RHOQ: variants seen among roughly 807,000 people sequenced by gnomAD.
RHOQ encodes ras homolog family member Q, also known as rho-related GTP-binding protein RhoQ.
In RHOQ, 7 loss-of-function variants were observed where a neutral mutation model predicts 25.8. That is an observed-to-expected ratio of 0.27 (90% CI 0.15 to 0.51). The LOEUF (loss-of-function observed/expected upper bound fraction) is 0.51. Among genes scored for constraint, RHOQ ranks in the 20% least tolerant of loss-of-function variants. RHOQ has a pLI of 0.97. For missense variants in RHOQ, 165 were observed against 260.6 expected, an observed-to-expected ratio of 0.63 and a Z score of 2.53; for synonymous variants, 97 against 98.6, an observed-to-expected ratio of 0.98 and a Z score of 0.10.
At chr2:46,563,487 G>A (rs1026809202) in intron 2 of RHOQ, among the ~76,000 whole-genome samples, 7 of 152,186 alleles carry the variant, frequency 4.6e-5, no homozygotes, top group African/African-American at 1.2e-4. Flanking sequence ...ACGGGGAACC[G>A]TCTGTAGTAT....
intron 2 of RHOQ, among the ~76,000 whole-genome samples, chr2:46,574,251 A>G (rs940277471): frequency 6.6e-6 from 1 of 152,066 alleles, no homozygotes; most frequent in African/African-American, 2.4e-5. Context: ...TTTAATGAGA[A>G]CACCCCATTT....
intron 2 of RHOQ, among the ~76,000 whole-genome samples, chr2:46,565,927 C>T (rs1286627818): frequency 2.0e-5 from 3 of 152,188 alleles, no homozygotes; most frequent in African/African-American, 7.2e-5. Context: ...TGGAGCATGG[C>T]AATGCTTAAG....
intron 2 of RHOQ, among the ~76,000 whole-genome samples, chr2:46,570,759 CTTAG>C (rs1668887612): frequency 6.6e-6 from 1 of 152,234 alleles, no homozygotes; most frequent in Non-Finnish European, 1.5e-5. Context: ...GATATTCTTA[CTTAG>C]TTGTCATATG....
At chr2:46,578,910 A>G (rs933256384) in intron 4 of RHOQ, among the ~76,000 whole-genome samples, 4 of 151,904 alleles carry the variant, frequency 2.6e-5, no homozygotes, top group Non-Finnish European at 4.4e-5. Flanking sequence ...GTGTGTGTGT[A>G]TATGTATATA....
intron 2 of RHOQ, among the ~76,000 whole-genome samples, chr2:46,574,578 C>T (rs562762960): frequency 2.0e-5 from 3 of 152,204 alleles, no homozygotes; most frequent in South Asian, 4.1e-4. Flanking sequence ...CATTTAGAGG[C>T]GTTCACTTTA....
chr2:46,545,777 A>C (rs575179012), intron 2 of RHOQ, among the ~76,000 whole-genome samples: 156 of 152,280 alleles, frequency 1.0e-3, no homozygotes, highest in African/African-American at 3.4e-3. Context: ...TGTAATCTTC[A>C]CAGCCATTCT....
rs150992995 is a variant in RHOQ, at chr2:46,552,875, C to T, written c.201+9063C>T. Among the ~76,000 whole-genome samples, 3 of 152,202 alleles carry T rather than the reference C, an allele frequency of 2.0e-5. No individual in the cohort carries two copies. The highest frequency in any genetic ancestry group is 7.2e-5 in the African/African-American group (3 of 41,446). The stretch of plus-strand genomic sequence containing the variant: ...GGGGGCACAGAGGAGGAAGGCTTAT[C>T]CTTCCAAGGAGGTGAAATGCTAGTA... On this transcript the variant is annotated intron_variant, in intron 2 of 4. Transcript: ENST00000238738. The surrounding 1 kb of genome is among the most constrained non-coding windows in gnomAD (Gnocchi z 5.0).
At chr2:46,560,754 A>G (rs373231589) in intron 2 of RHOQ, 4 of 350,372 alleles carry the variant, frequency 1.1e-5, no homozygotes, top group Middle Eastern at 4.7e-4. Context: ...TAGAGTCTGT[A>G]TAGACCATGA....
At position 46,569,187 on chromosome 2, in the gene RHOQ, T is replaced by C. The variant is rs973012469; in HGVS notation, c.202-6900T>C. On this transcript the variant is annotated intron_variant, in intron 2 of 4. Coordinates refer to ENST00000238738, the MANE Select transcript of RHOQ (RefSeq NM_012249.4). The surrounding 1 kb of genome is among the most constrained non-coding windows in gnomAD (Gnocchi z 4.1). Reference sequence around the variant, plus strand: ...TCGAAACACTTGACCAGCTCTCTCATTTATCTTAACATGTGTATTTATTCT... The same window carrying C: ...TCGAAACACTTGACCAGCTCTCTCACTTATCTTAACATGTGTATTTATTCT... 6.6e-6 allele frequency: 1 copy of C among 152,214 alleles called. No individual in the cohort carries two copies. The highest frequency in any genetic ancestry group is 2.4e-5 in the African/African-American group (1 of 41,456). 9.4% of individuals were successfully genotyped at this position (152,214 alleles called of 1,614,324 possible). A position where few individuals can be genotyped will look rare whatever the true frequency, so the allele number is the denominator to read the frequency against.
At chr2:46,577,565 ATTTTTT>A (rs908178158) in intron 4 of RHOQ, among the ~76,000 whole-genome samples, 31 of 64,948 alleles carry the variant, frequency 4.8e-4, no homozygotes, top group Admixed American at 8.6e-4. Context: ...ACACCCGGCT[ATTTTTT>A]TTTTTTTTTT....
In RHOQ at chr2:46,556,751, A is replaced by G. The variant is rs4142759; in HGVS notation, c.201+12939A>G. ...TGCAAGTAGAAAATGGGATGTGCAT[A>G]TAAATCATGAAATGTGAGTGAGGAG... On this transcript the variant is annotated intron_variant, in intron 2 of 4. Coordinates refer to ENST00000238738, the MANE Select transcript of RHOQ (RefSeq NM_012249.4). This position sits in a 1 kb window ranked among gnomAD's most constrained non-coding sequence, Gnocchi z 4.9. 0.24 allele frequency among the ~76,000 whole-genome samples: 36,606 copies of G among 152,040 alleles called. 4,809 individuals carry two copies. Among genetic ancestry groups the G allele is most frequent in the Admixed American group, 0.3 (4,646 of 15,282 alleles).
At position 46,571,776 on chromosome 2, in the gene RHOQ, A is replaced by G. The variant is rs990685056; in HGVS notation, c.202-4311A>G. On this transcript the variant is annotated intron_variant, in intron 2 of 4. Transcript: ENST00000238738. ...ATGATAGCATACCAGCTAACAAAGC[A>G]TGGCACAAGGTAAATCGTCCAATGT... 2.6e-5 allele frequency among the ~76,000 whole-genome samples: 4 copies of G among 152,286 alleles called. No individual in the cohort carries two copies. In the East Asian group the frequency reaches 7.7e-4, roughly 29 times the overall value.
intron 2 of RHOQ, among the ~76,000 whole-genome samples, chr2:46,575,052 A>G (rs992217261): frequency 2.0e-5 from 3 of 152,224 alleles, no homozygotes; most frequent in African/African-American, 7.2e-5. Flanking sequence ...TGTGTCACAT[A>G]AAATAGTCTA....
At chr2:46,567,864 C>G (rs150214418) in intron 2 of RHOQ, among the ~76,000 whole-genome samples, 1 of 151,734 alleles carries the variant, frequency 6.6e-6, no homozygotes, top group East Asian at 1.9e-4. Flanking sequence ...CGATACTAGC[C>G]CAGGCAACAG....
intron 2 of RHOQ, among the ~76,000 whole-genome samples, chr2:46,567,328 T>C (rs181175253): frequency 5.9e-4 from 90 of 152,306 alleles, no homozygotes; most frequent in African/African-American, 1.8e-3. Context: ...AACAGCAATG[T>C]AGCCAGTGGC....
Position 46,581,004 on chromosome 2 carries a change from T to C in RHOQ, c.539T>C (p.Ile180Thr). 6.9e-6 allele frequency: 11 copies of C among 1,590,566 alleles called. No individual in the cohort carries two copies. Among genetic ancestry groups the C allele is most frequent in the Non-Finnish European group, 9.4e-6 (11 of 1,169,990 alleles). ...AAGACTGTTTTTGATGAGGCTATCA[T>C]AGCCATTTTAACTCCAAAGAAACAC... ...GLKTVFDEAI[I>T]AILTPKKHTV... The change falls in exon 5 of 5, where the codon ATA becomes ACA. Residue 180 changes from isoleucine to threonine, a missense_variant. Ile to Thr is a moderately conservative substitution (Grantham distance 89, BLOSUM62 -1). Coordinates refer to ENST00000238738, the MANE Select transcript of RHOQ (RefSeq NM_012249.4).
intron 1 of RHOQ, 92 bp downstream of exon 1, chr2:46,543,280 C>T: frequency 6.9e-7 from 1 of 1,440,878 alleles, no homozygotes; most frequent in Non-Finnish European, 9.7e-7. Context: ...CTCCCCAGAG[C>T]GCACTCCTCT....
chr2:46,565,322 C>T (rs187768616), intron 2 of RHOQ, among the ~76,000 whole-genome samples: 3 of 151,992 alleles, frequency 2.0e-5, no homozygotes, highest in South Asian at 2.1e-4. Context: ...TCAGAGTTTT[C>T]GAAAGAAGGA....
chr2:46,573,655 C>T (rs946777684), intron 2 of RHOQ, among the ~76,000 whole-genome samples: 4 of 152,152 alleles, frequency 2.6e-5, no homozygotes, highest in Admixed American at 2.6e-4. Context: ...CTGTAAAATA[C>T]TTGGATTAAT....
Sources: allele counts gnomAD v4.1 joint callset (sites outside exome capture counted in the v4.1 genomes callset), GRCh38; gene constraint gnomAD v4.1.1; non-coding constraint Gnocchi (gnomAD v3.1); transcripts MANE v1.5; gene names NCBI Gene and HGNC (gene_info 2026-07-23, HGNC 2026-07-21).